KLHL11: variants seen among roughly 807,000 people sequenced by gnomAD.
KLHL11 encodes kelch like family member 11.
KLHL11 carries 26 observed loss-of-function variants against 56.1 expected under a neutral mutation model. That is an observed-to-expected ratio of 0.46 (90% CI 0.34 to 0.64). KLHL11 has a LOEUF of 0.64. Among genes scored for constraint, KLHL11 ranks in the 30% least tolerant of loss-of-function variants. The pLI is 0.01. For synonymous variants in KLHL11, 338 were observed against 345.8 expected, an observed-to-expected ratio of 0.98 and a Z score of 0.25; for missense variants, 627 against 919.4, an observed-to-expected ratio of 0.68 and a Z score of 4.11.
At chr17:41,858,527 G>T (rs2048382732) in intron 1 of KLHL11, among the ~76,000 whole-genome samples, 1 of 151,624 alleles carries the variant, frequency 6.6e-6, no homozygotes, top group Admixed American at 6.6e-5. Flanking sequence ...CCGCCTCCCG[G>T]GTTCAAGCGA....
In KLHL11 at chr17:41,853,533, C is replaced by G. The variant is rs989094310; in HGVS notation, c.*207G>C. On this transcript the variant is annotated 3_prime_UTR_variant, in exon 2 of 2. Coordinates refer to ENST00000319121, the MANE Select transcript of KLHL11 (RefSeq NM_018143.3). ...ATTTAGCTAGCACAAACAAACAAAC[C>G]AAAGACAAAAATTGCAAGCTAACAA... 2.8e-5 allele frequency: 15 copies of G among 528,772 alleles called. No individual in the cohort carries two copies. The highest frequency in any genetic ancestry group is 5.8e-5 in the African/African-American group (3 of 51,532). The allele number at this position is 528,772 out of a possible 1,614,324, so 32.8% of individuals were successfully genotyped here. A position where few individuals can be genotyped will look rare whatever the true frequency, so the allele number is the denominator to read the frequency against.
At chr17:41,861,686 CAAAA>C (rs71155178) in intron 1 of KLHL11, among the ~76,000 whole-genome samples, 9 of 61,868 alleles carry the variant, frequency 1.5e-4, no homozygotes, top group East Asian at 4.9e-4. Flanking sequence ...ACTCTTGTCT[CAAAA>C]AAAAAAAAAA....
chr17:41,864,692 T>A (rs2048426109), intron 1 of KLHL11, 134 bp downstream of exon 1: 1 of 968,878 alleles, frequency 1.0e-6, no homozygotes, highest in African/African-American at 1.7e-5. Flanking sequence ...AAGCAGGCGC[T>A]CAGCGAGTGT....
intron 1 of KLHL11, among the ~76,000 whole-genome samples, chr17:41,856,387 C>T (rs1304103891): frequency 1.3e-5 from 2 of 152,138 alleles, no homozygotes; most frequent in Non-Finnish European, 2.9e-5. Context: ...AGCAATCCTC[C>T]TGCCTCTGCT....
chr17:41,861,628 G>C (rs1555623062), intron 1 of KLHL11, among the ~76,000 whole-genome samples: 1 of 139,486 alleles, frequency 7.2e-6, no homozygotes, highest in African/African-American at 2.7e-5. Flanking sequence ...AGAGGTTGCA[G>C]TGAGCCGAGA....
chr17:41,854,392 C>T lies in KLHL11; in HGVS notation c.1475G>A (p.Arg492Gln). 6.2e-7 allele frequency: 1 copy of T among 1,614,138 alleles called. No homozygotes were observed. The highest frequency in any genetic ancestry group is 8.5e-7 in the Non-Finnish European group (1 of 1,180,042). The change falls in exon 2 of 2, where the codon CGA becomes CAA. Residue 492 changes from arginine (R) to glutamine (Q), a missense_variant. By Grantham distance (43) the Arg-to-Gln change is conservative (BLOSUM62 1). Transcript: ENST00000319121. This position sits in a 1 kb window ranked among gnomAD's most constrained non-coding sequence, Gnocchi z 4.9. ...HNLESAPKIL[R>Q]DVKALAIEDR... The stretch of plus-strand genomic sequence containing the variant: ...TTCAATGGCTAGTGCTTTGACATCT[C>T]GAAGAATCTTTGGTGCCGATTCCAA...
chr17:41,855,347 TTAA>T (rs782325415), intron 1 of KLHL11, 26 bp from the exon 2 acceptor site: 1 of 1,490,434 alleles, frequency 6.7e-7, no homozygotes, highest in Admixed American at 2.1e-5. Flanking sequence ...AGAGAAAAGA[TTAA>T]TTTTTCAAAT....
chr17:41,865,218 C>A lies in KLHL11; in HGVS notation c.153G>T (p.Gly51=), dbSNP rs1167500732. Residue 51 remains glycine, a synonymous_variant, in exon 1 of 2, where the codon GGG becomes GGT. Coordinates refer to ENST00000319121, the MANE Select transcript of KLHL11 (RefSeq NM_018143.3). ...TCGCCTCCATTGCAGAGATCCCCGGCCCAGGCCCGAAGTCCACCGTGCCGC... is the reference window on the plus strand; with the variant it reads ...TCGCCTCCATTGCAGAGATCCCCGGACCAGGCCCGAAGTCCACCGTGCCGC... ...RGSGTVDFGP[G]PGISAMEASG... is the part of the protein sequence containing the mutation. 5 of 1,603,068 alleles carry A rather than the reference C, an allele frequency of 3.1e-6. No individual in the cohort carries two copies. The highest frequency in any genetic ancestry group is 4.3e-6 in the Non-Finnish European group (5 of 1,176,408).
chr17:41,862,353 A>G (rs1359073661), intron 1 of KLHL11, among the ~76,000 whole-genome samples: 1 of 150,016 alleles, frequency 6.7e-6, no homozygotes, highest in African/African-American at 2.5e-5. Flanking sequence ...GCTCACTGCA[A>G]CCTCTGCCTC....
chr17:41,864,754 C>G, intron 1 of KLHL11, 72 bp downstream of exon 1: 1 of 1,407,534 alleles, frequency 7.1e-7, no homozygotes, highest in Non-Finnish European at 9.3e-7. Flanking sequence ...AGGCACTGCC[C>G]TCCCCTCCGC....
At chr17:41,855,786 C>T (rs1381615067) in intron 1 of KLHL11, among the ~76,000 whole-genome samples, 2 of 151,406 alleles carry the variant, frequency 1.3e-5, no homozygotes, top group Non-Finnish European at 2.9e-5. Flanking sequence ...ATTCTCCTGC[C>T]TCAGCCTCCC....
In KLHL11 at chr17:41,853,069, C is replaced by T. The variant is rs959827618; in HGVS notation, c.*671G>A. Reference sequence around the variant, plus strand: ...AAAGATCTATACTTTTGCCAACTACCGTCACCTCAGATTGAAGGCTTAAAG... The same window carrying T: ...AAAGATCTATACTTTTGCCAACTACTGTCACCTCAGATTGAAGGCTTAAAG... On this transcript the variant is annotated 3_prime_UTR_variant, in exon 2 of 2. Coordinates refer to ENST00000319121, the MANE Select transcript of KLHL11 (RefSeq NM_018143.3). Among the ~76,000 whole-genome samples, 2 of 152,126 alleles carry T rather than the reference C, an allele frequency of 1.3e-5. No homozygotes were observed. The highest frequency in any genetic ancestry group is 2.9e-5 in the Non-Finnish European group (2 of 68,024).
chr17:41,861,904 G>T (rs1555623080), intron 1 of KLHL11, among the ~76,000 whole-genome samples: 2 of 151,916 alleles, frequency 1.3e-5, no homozygotes, highest in African/African-American at 4.8e-5. Flanking sequence ...TACCTTGGTG[G>T]GATTGTCCCC....
rs782240185 is a variant in KLHL11, at chr17:41,851,509, G to A, written c.*2231C>T. The A allele has an allele frequency of 6.6e-6, 1 of 151,788 alleles. No individual in the cohort carries two copies. Among genetic ancestry groups the A allele is most frequent in the Non-Finnish European group, 1.5e-5 (1 of 68,026 alleles). The allele number at this position is 151,788 out of a possible 1,614,324, so 9.4% of individuals were successfully genotyped here. A position where few individuals can be genotyped will look rare whatever the true frequency, so the allele number is the denominator to read the frequency against. ...CCCAGCTACTCAGCAGGCTGAGGCAGGAGAATCACATGAACCCGGGAGGTG... is the reference window on the plus strand; with the variant it reads ...CCCAGCTACTCAGCAGGCTGAGGCAAGAGAATCACATGAACCCGGGAGGTG... On this transcript the variant is annotated 3_prime_UTR_variant, in exon 2 of 2. Transcript: ENST00000319121.
chr17:41,862,344 C>T (rs547305880), intron 1 of KLHL11, among the ~76,000 whole-genome samples: 5 of 151,982 alleles, frequency 3.3e-5, no homozygotes, highest in Non-Finnish European at 7.4e-5. Flanking sequence ...ACGACCTCAG[C>T]TCACTGCAAC....
chr17:41,857,233 G>A (rs989804033), intron 1 of KLHL11, among the ~76,000 whole-genome samples: 11 of 151,450 alleles, frequency 7.3e-5, no homozygotes, highest in Admixed American at 2.0e-4. Context: ...CAGGCCGGGC[G>A]CAGTGGCTCA....
At chr17:41,857,557 A>G (rs530396351) in intron 1 of KLHL11, among the ~76,000 whole-genome samples, 1 of 150,258 alleles carries the variant, frequency 6.7e-6, no homozygotes, top group South Asian at 2.1e-4. Flanking sequence ...ATAAAATATA[A>G]AGTATTATTT....
intron 1 of KLHL11, among the ~76,000 whole-genome samples, chr17:41,863,403 G>T (rs1220987822): frequency 3.9e-5 from 6 of 151,918 alleles, no homozygotes; most frequent in African/African-American, 1.5e-4. Flanking sequence ...CACAATGTTG[G>T]CCAGGCTGGT....
rs782743867 is a variant in KLHL11 at position 41,854,557 on chromosome 17, C to T, written c.1310G>A (p.Cys437Tyr). 1 of 1,614,202 alleles carries T rather than the reference C, an allele frequency of 6.2e-7. No homozygotes were observed. The highest frequency in any genetic ancestry group is 8.5e-7 in the Non-Finnish European group (1 of 1,180,032). ...NPNLNTWEHV[C>Y]SLMTRKHSFG... ...AGAATGCTTTCTTGTCATCAGACTACAAACATGTTCCCATGTATTCAAATT... is the reference window on the plus strand; with the variant it reads ...AGAATGCTTTCTTGTCATCAGACTATAAACATGTTCCCATGTATTCAAATT... The change falls in exon 2 of 2, where the codon TGT becomes TAT. Residue 437 changes from cysteine to tyrosine, a missense_variant. By Grantham distance (194) the Cys-to-Tyr change is radical. Transcript: ENST00000319121. The surrounding 1 kb of genome is among the most constrained non-coding windows in gnomAD (Gnocchi z 4.9).
Sources: allele counts gnomAD v4.1 joint callset (sites outside exome capture counted in the v4.1 genomes callset), GRCh38; gene constraint gnomAD v4.1.1; non-coding constraint Gnocchi (gnomAD v3.1); transcripts MANE v1.5; gene names NCBI Gene and HGNC (gene_info 2026-07-23, HGNC 2026-07-21).